The following VEPH1 variants were observed in gnomAD, a reference collection of about 807,000 sequenced individuals.
The protein encoded by VEPH1 is ventricular zone expressed PH domain containing 1.
A neutral mutation model predicts 85.2 loss-of-function variants in VEPH1; 80 were observed. The observed-to-expected ratio is 0.94, with a 90% CI of 0.78 to 1.13. The LOEUF is 1.13. Ranked by LOEUF, VEPH1 falls within the 50% of genes most tolerant of loss-of-function variation. The pLI is 0.00. For missense variants in VEPH1, 955 were observed against 980.5 expected (o/e 0.97, Z 0.35); for synonymous variants, 297 against 348.0 (o/e 0.85, Z 1.63).
At chr3:157,410,879 C>A (rs1365727606) in intron 6 of VEPH1, among the ~76,000 whole-genome samples, 2 of 152,120 alleles carry the variant, frequency 1.3e-5, no homozygotes, top group Non-Finnish European at 2.9e-5. Flanking sequence ...AATGAATTGA[C>A]CACCTGCAAC....
intron 6 of VEPH1, among the ~76,000 whole-genome samples, chr3:157,399,317 T>C (rs927561971): frequency 6.6e-6 from 1 of 152,200 alleles, no homozygotes; most frequent in Non-Finnish European, 1.5e-5. Flanking sequence ...TTGAAATATC[T>C]TCAACATTTC....
intron 12 of VEPH1, among the ~76,000 whole-genome samples, chr3:157,276,190 A>T (rs1179708253): frequency 1.3e-5 from 2 of 152,196 alleles, no homozygotes; most frequent in African/African-American, 2.4e-5. Flanking sequence ...GCACTGCCAC[A>T]TGTGACTGAA....
intron 9 of VEPH1, among the ~76,000 whole-genome samples, chr3:157,345,170 G>A (rs1255877649): frequency 6.6e-6 from 1 of 152,140 alleles, no homozygotes; most frequent in Non-Finnish European, 1.5e-5. Flanking sequence ...AGCCAAAATT[G>A]ACAAATGGGA....
intron 4 of VEPH1, chr3:157,442,715 T>C (rs1734228361): frequency 1.9e-6 from 3 of 1,614,112 alleles, no homozygotes; most frequent in Non-Finnish European, 2.5e-6. Context: ...CTACCACTGT[T>C]GAGATGGCCA....
chr3:157,488,799 C>A (rs894118036), intron 2 of VEPH1, among the ~76,000 whole-genome samples: 2 of 151,750 alleles, frequency 1.3e-5, no homozygotes, highest in Non-Finnish European at 2.9e-5. Context: ...TCTTCCTACA[C>A]TCCCTTCCCC....
chr3:157,497,362 T>C (rs541791237), intron 1 of VEPH1, among the ~76,000 whole-genome samples: 3 of 151,486 alleles, frequency 2.0e-5, no homozygotes, highest in Admixed American at 6.6e-5. Flanking sequence ...CAAAGGAGAG[T>C]GGTAAGCTTT....
intron 9 of VEPH1, among the ~76,000 whole-genome samples, chr3:157,349,251 A>G (rs1227966811): frequency 6.6e-6 from 1 of 152,272 alleles, no homozygotes; most frequent in Non-Finnish European, 1.5e-5. Flanking sequence ...TAAATGTCAT[A>G]AATTATATCA....
chr3:157,295,440 T>G (rs768836094), intron 11 of VEPH1, among the ~76,000 whole-genome samples: 14 of 141,932 alleles, frequency 9.9e-5, no homozygotes, highest in African/African-American at 3.6e-4. Context: ...TTGAAAAAAT[T>G]AAAAAAAAAA....
At chr3:157,304,513 A>G (rs1183494584) in intron 11 of VEPH1, among the ~76,000 whole-genome samples, 1 of 152,122 alleles carries the variant, frequency 6.6e-6, no homozygotes, top group East Asian at 1.9e-4. Flanking sequence ...TCCTCTGATA[A>G]TCAGAGTGCC....
At chr3:157,450,438 A>G (rs901051720) in intron 4 of VEPH1, among the ~76,000 whole-genome samples, 1 of 151,868 alleles carries the variant, frequency 6.6e-6, no homozygotes, top group Non-Finnish European at 1.5e-5. Context: ...TTTCTGTTAT[A>G]ACTTTCATTT....
chr3:157,264,078 T>C (rs1018657249), intron 13 of VEPH1, among the ~76,000 whole-genome samples: 24 of 152,198 alleles, frequency 1.6e-4, no homozygotes, highest in Admixed American at 1.4e-3. Flanking sequence ...ATGCTCCCCA[T>C]TGTGGGTGGG....
intron 6 of VEPH1, chr3:157,410,007 A>C: frequency 1.1e-6 from 1 of 904,168 alleles, no homozygotes; most frequent in Non-Finnish European, 1.3e-6. Context: ...CAGAGATTGT[A>C]CATTACAAAA....
intron 4 of VEPH1, among the ~76,000 whole-genome samples, chr3:157,450,127 C>G (rs1442137719): frequency 7.1e-6 from 1 of 140,848 alleles, no homozygotes; most frequent in Non-Finnish European, 1.5e-5. Flanking sequence ...ACAATTACAG[C>G]TTGCTGCAGC....
At chr3:157,371,082 GAAA>G (rs2108811580) in intron 7 of VEPH1, among the ~76,000 whole-genome samples, 1 of 152,286 alleles carries the variant, frequency 6.6e-6, no homozygotes, top group East Asian at 1.9e-4. Context: ...ATTTGACACT[GAAA>G]GAAGGAGGTT....
chr3:157,377,672 C>T (rs774643286), intron 7 of VEPH1, among the ~76,000 whole-genome samples: 7 of 152,278 alleles, frequency 4.6e-5, no homozygotes, highest in South Asian at 4.1e-4. Flanking sequence ...TTGCTTGGCA[C>T]GTCTTCTTGC....
At chr3:157,478,162 C>T (rs1338899870) in intron 2 of VEPH1, among the ~76,000 whole-genome samples, 1 of 152,170 alleles carries the variant, frequency 6.6e-6, no homozygotes, top group East Asian at 1.9e-4. Flanking sequence ...GGACAACCTG[C>T]ATCCAATGAC....
chr3:157,354,478 A>G (rs181170662), intron 9 of VEPH1, among the ~76,000 whole-genome samples: 29 of 152,142 alleles, frequency 1.9e-4, no homozygotes, highest in Admixed American at 3.9e-4. Context: ...CTAGGGTGCC[A>G]CACATAAAGT....
At chr3:157,398,823 T>C (rs996873995) in intron 6 of VEPH1, among the ~76,000 whole-genome samples, 6 of 152,046 alleles carry the variant, frequency 3.9e-5, no homozygotes, top group African/African-American at 1.5e-4. Context: ...TACAGCAGCT[T>C]GCACAGTAGT....
At chr3:157,446,081 A>G (rs1046747888) in intron 4 of VEPH1, among the ~76,000 whole-genome samples, 2 of 152,218 alleles carry the variant, frequency 1.3e-5, no homozygotes, top group Non-Finnish European at 2.9e-5. Flanking sequence ...TCATTTACCA[A>G]ATACTTATTG....
Sources: allele counts gnomAD v4.1 joint callset (sites outside exome capture counted in the v4.1 genomes callset), GRCh38; gene constraint gnomAD v4.1.1; transcripts MANE v1.5; gene names NCBI Gene and HGNC (gene_info 2026-07-23, HGNC 2026-07-21).